IPO9: variants seen among roughly 807,000 people sequenced by gnomAD.
The protein encoded by IPO9 is importin-9.
Under a neutral mutation model 128.6 loss-of-function variants are expected in IPO9, and 28 were observed. That is an observed-to-expected ratio of 0.22 (90% CI 0.16 to 0.30). The LOEUF (loss-of-function observed/expected upper bound fraction) is 0.30, where lower values mean the gene tolerates loss of function less well. IPO9 is among the 10% of genes least tolerant of loss of function. IPO9 has a pLI of 1.00. For missense variants in IPO9, 935 were observed against 1,293.9 expected, an observed-to-expected ratio of 0.72 and a Z score of 4.26; for synonymous variants, 455 against 475.8, an observed-to-expected ratio of 0.96 and a Z score of 0.57.
At position 201,841,410 on chromosome 1, in the gene IPO9, G is replaced by T. The variant is rs558777761; in HGVS notation, c.164-5869G>T. On this transcript the variant is annotated intron_variant, in intron 1 of 23. Transcript: ENST00000361565. ...TGTTAGAGAAAGAAGTTACAAATAAGGGAAGAGTAGAATGAACCTCGAGGT... is the reference window on the plus strand; with the variant it reads ...TGTTAGAGAAAGAAGTTACAAATAATGGAAGAGTAGAATGAACCTCGAGGT... Among the ~76,000 whole-genome samples, 6 of 152,332 alleles carry T rather than the reference G, an allele frequency of 3.9e-5. No homozygotes were observed. The South Asian group carries it at 1.2e-3, about 32-fold the overall frequency.
At chr1:201,838,075 GA>G (rs1253335951) in intron 1 of IPO9, among the ~76,000 whole-genome samples, 1 of 150,186 alleles carries the variant, frequency 6.7e-6, no homozygotes, top group Non-Finnish European at 1.5e-5. Flanking sequence ...TGTCTCAAAA[GA>G]AAAAAAAAGG....
At chr1:201,851,956 T>C in intron 4 of IPO9, 148 bp from the exon 5 acceptor site, 1 of 472,178 alleles carries the variant, frequency 2.1e-6, no homozygotes, top group East Asian at 3.1e-5. Flanking sequence ...TACTTTTGCT[T>C]TCACAGAATG....
chr1:201,878,282 G>C lies in IPO9; in HGVS notation c.*2228G>C, dbSNP rs1680814624. 1 of 152,560 alleles carries C rather than the reference G, an allele frequency of 6.6e-6. No homozygotes were observed. Among genetic ancestry groups the C allele is most frequent in the South Asian group, 2.1e-4 (1 of 4,824 alleles). The allele number at this position is 152,560 out of a possible 1,614,324, so 9.5% of individuals were successfully genotyped here. A position where few individuals can be genotyped will look rare whatever the true frequency, so the allele number is the denominator to read the frequency against. On this transcript the variant is annotated 3_prime_UTR_variant, in exon 24 of 24. Coordinates refer to ENST00000361565, the MANE Select transcript of IPO9 (RefSeq NM_018085.5). ...AGACTCCATAGTTTATCTCAAGGCA[G>C]TGCCAGTCGGATTTGGTGCTAAAGG...
At position 201,858,900 on chromosome 1, in the gene IPO9, G is replaced by A. The variant is rs1205321002; in HGVS notation, c.1374G>A (p.Lys458=). 1.2e-6 allele frequency: 2 copies of A among 1,611,660 alleles called. No individual in the cohort carries two copies. The highest frequency in any genetic ancestry group is 2.7e-5 in the African/African-American group (2 of 74,850). Residue 458 remains lysine (K), a synonymous_variant, in exon 13 of 24, where the codon AAG becomes AAA. Coordinates refer to ENST00000361565, the MANE Select transcript of IPO9 (RefSeq NM_018085.5). ...GCATGCTTGCCCTAGGCTCAGTGAA[G>A]GCCATCATCACTGACAGTGTGAAAA... The part of the protein sequence containing the change: ...EACMLALGSV[K]AIITDSVKNG...
At chr1:201,834,207 C>T (rs201651512) in intron 1 of IPO9, among the ~76,000 whole-genome samples, 34 of 111,238 alleles carry the variant, frequency 3.1e-4, no homozygotes, top group Admixed American at 4.6e-4. Context: ...CTTTTCTTTT[C>T]TTTTTTTTTT....
At chr1:201,867,057 G>T (rs1156678362) in intron 15 of IPO9, 98 bp downstream of exon 15, 1 of 998,250 alleles carries the variant, frequency 1.0e-6, no homozygotes, top group South Asian at 1.4e-5. Flanking sequence ...TCTTAGCTAT[G>T]AAGCTATGGT....
Position 201,829,248 on chromosome 1 carries a change from G to A in IPO9, c.39G>A (p.Leu13=), listed in dbSNP as rs1378342947. ...CGGCAGCTGGTGCGGCCTCCGGGCT[G>A]CCGGGTCCAGTGGCACAAGGATTAA... ...AAAAAGAASG[L]PGPVAQGLKE... is the part of the protein sequence containing the mutation. The change falls in exon 1 of 24, where the codon CTG becomes CTA. Residue 13 remains leucine, a synonymous_variant. Transcript: ENST00000361565. The A allele has an allele frequency of 6.3e-7, 1 of 1,584,050 alleles. No individual in the cohort carries two copies. The highest frequency in any genetic ancestry group is 1.8e-5 in the Admixed American group (1 of 56,786).
At chr1:201,869,462 G>T in intron 16 of IPO9, 128 bp from the exon 17 acceptor site, 1 of 1,118,170 alleles carries the variant, frequency 8.9e-7, no homozygotes, top group Non-Finnish European at 1.3e-6. Flanking sequence ...TTTTATTTTG[G>T]AAACTTGCCT....
chr1:201,870,751 T>C lies in IPO9; in HGVS notation c.2302T>C (p.Ser768Pro), dbSNP rs1239036782. ...FTAAFVGRLV[S>P]TLISKAGREL... The stretch of plus-strand genomic sequence containing the variant: ...TGCGGCCTTTGTGGGCCGCCTTGTT[T>C]CCACCCTCATCTCCAAGGCAGGGCG... Residue 768 changes from serine (S) to proline (P), a missense_variant, in exon 18 of 24, where the codon TCC becomes CCC. By Grantham distance (74) the Ser-to-Pro change is moderately conservative. Coordinates refer to ENST00000361565, the MANE Select transcript of IPO9 (RefSeq NM_018085.5). This position sits in a 1 kb window ranked among gnomAD's most constrained non-coding sequence, Gnocchi z 4.9. 1 of 1,614,194 alleles carries C rather than the reference T, an allele frequency of 6.2e-7. No individual in the cohort carries two copies. Among genetic ancestry groups the C allele is most frequent in the Non-Finnish European group, 8.5e-7 (1 of 1,180,046 alleles).
intron 1 of IPO9, among the ~76,000 whole-genome samples, chr1:201,840,158 C>T (rs970332691): frequency 2.0e-5 from 3 of 152,162 alleles, no homozygotes; most frequent in Non-Finnish European, 4.4e-5. Context: ...GGCACAGTCC[C>T]TCCTCACTAT....
intron 13 of IPO9, among the ~76,000 whole-genome samples, 186 bp downstream of exon 13, chr1:201,859,180 A>AATAAATAAATATATATATATAT (rs371428335): frequency 1.1e-4 from 9 of 83,476 alleles, no homozygotes; most frequent in African/African-American, 3.6e-4. Flanking sequence ...CTCAAAGTAT[A>AATAAATAAATATATATATATAT]ATATATATAT....
At chr1:201,837,376 C>T (rs1376741631) in intron 1 of IPO9, among the ~76,000 whole-genome samples, 2 of 152,060 alleles carry the variant, frequency 1.3e-5, no homozygotes, top group Non-Finnish European at 2.9e-5. Context: ...GAGAAAGGAC[C>T]CTTAAGCTGT....
chr1:201,843,017 C>T (rs1414016455), intron 1 of IPO9, among the ~76,000 whole-genome samples: 1 of 152,160 alleles, frequency 6.6e-6, no homozygotes, highest in African/African-American at 2.4e-5. Flanking sequence ...TTTCTTCTCT[C>T]TTAATAAGTA....
chr1:201,846,999 A>G (rs1342036928), intron 1 of IPO9, among the ~76,000 whole-genome samples: 2 of 152,204 alleles, frequency 1.3e-5, no homozygotes, highest in Non-Finnish European at 2.9e-5. Context: ...TAATTGGTCT[A>G]AGAGGAAGGT....
chr1:201,877,990 A>G lies in IPO9; in HGVS notation c.*1936A>G, dbSNP rs947210461. The G allele has an allele frequency of 1.3e-5, 2 of 152,160 alleles. No homozygotes were observed. Among genetic ancestry groups the G allele is most frequent in the Non-Finnish European group, 2.9e-5 (2 of 68,040 alleles). 9.4% of individuals were successfully genotyped at this position (152,160 alleles called of 1,614,324 possible). ...ATCTCCACTCAAGGGGATGGCCCCA[A>G]GGATATTGTAGCTGGTAATTTCTTC... is the stretch of plus-strand genomic sequence containing the variant. On this transcript the variant is annotated 3_prime_UTR_variant, in exon 24 of 24. Transcript: ENST00000361565.
chr1:201,851,621 G>T (rs1053065372), intron 4 of IPO9, among the ~76,000 whole-genome samples: 4 of 152,128 alleles, frequency 2.6e-5, no homozygotes, highest in Non-Finnish European at 5.9e-5. Context: ...AATAAAATCT[G>T]AGAAGAGTAA....
intron 19 of IPO9, among the ~76,000 whole-genome samples, chr1:201,872,414 G>A (rs938106989): frequency 1.3e-5 from 2 of 151,916 alleles, no homozygotes; most frequent in African/African-American, 4.8e-5. Flanking sequence ...ACCCACCCGG[G>A]CAACATGGTG....
intron 1 of IPO9, among the ~76,000 whole-genome samples, chr1:201,835,340 AAT>A (rs1679903662): frequency 6.6e-6 from 1 of 152,210 alleles, no homozygotes; most frequent in Non-Finnish European, 1.5e-5. Context: ...TTAGATAGAT[AAT>A]GTTTTTGCCA....
intron 16 of IPO9, 103 bp downstream of exon 16, chr1:201,868,899 G>C: frequency 7.2e-7 from 1 of 1,389,760 alleles, no homozygotes. Context: ...AGAGATTCAT[G>C]GGGTGATTTT....
Sources: gnomAD v4.1 joint callset for allele counts (sites outside exome capture counted in the v4.1 genomes callset) on GRCh38, gnomAD v4.1.1 for gene constraint, Gnocchi (gnomAD v3.1) non-coding constraint, MANE v1.5 for transcripts, NCBI Gene and HGNC (gene_info 2026-07-23, HGNC 2026-07-21) for gene names.